Variants in IL1RAPL2 observed in about 807,000 individuals in gnomAD.
IL1RAPL2 encodes interleukin 1 receptor accessory protein like 2.
Under a neutral mutation model 44.1 loss-of-function variants are expected in IL1RAPL2, and 3 were observed. The ratio of observed to expected loss-of-function variants is 0.07; its 90% CI spans 0.03 to 0.18. The LOEUF (loss-of-function observed/expected upper bound fraction) is 0.18. Ranked by LOEUF, IL1RAPL2 falls within the 10% of genes least tolerant of loss-of-function variation. IL1RAPL2 has a pLI of 1.00. For missense variants in IL1RAPL2, 391 were observed against 496.4 expected, an observed-to-expected ratio of 0.79 and a Z score of 2.02; for synonymous variants, 181 against 178.8, an observed-to-expected ratio of 1.01 and a Z score of -0.10.
intron 2 of IL1RAPL2, among the ~76,000 whole-genome samples, chrX:105,083,704 T>C (rs1430806453): frequency 8.9e-6 from 1 of 112,054 alleles, no homozygotes; most frequent in Non-Finnish European, 1.9e-5. Flanking sequence ...CAGAATTTCA[T>C]ATCCAGCCAA....
intron 3 of IL1RAPL2, among the ~76,000 whole-genome samples, chrX:105,203,401 C>T (rs1266913689): frequency 4.5e-5 from 5 of 112,348 alleles, no homozygotes; most frequent in African/African-American, 1.6e-4. Context: ...GAAAAAGCTA[C>T]TTTAAAGAAT....
intron 2 of IL1RAPL2, among the ~76,000 whole-genome samples, chrX:104,998,176 A>G (rs1357749360): frequency 8.9e-6 from 1 of 111,840 alleles, no homozygotes; most frequent in African/African-American, 3.2e-5. Context: ...AAAGAACACA[A>G]GTATAGAAAG....
intron 2 of IL1RAPL2, among the ~76,000 whole-genome samples, chrX:105,191,426 G>A (rs1327197548): frequency 9.0e-6 from 1 of 111,728 alleles, no homozygotes; most frequent in Non-Finnish European, 1.9e-5. Flanking sequence ...TATTGGCCAG[G>A]CTGGTCTTGA....
chrX:104,662,352 G>A (rs982119383), intron 2 of IL1RAPL2, among the ~76,000 whole-genome samples: 1 of 111,951 alleles, frequency 8.9e-6, no homozygotes, highest in Non-Finnish European at 1.9e-5. Context: ...AAAATGCACA[G>A]CATTTAATTT....
chrX:105,332,914 C>G (rs1262197257), intron 5 of IL1RAPL2, among the ~76,000 whole-genome samples: 1 of 111,372 alleles, frequency 9.0e-6, no homozygotes, highest in Non-Finnish European at 1.9e-5. Flanking sequence ...TTAGAAGAAT[C>G]AATATTGTTA....
intron 2 of IL1RAPL2, among the ~76,000 whole-genome samples, chrX:104,672,070 GGGCTGGGA>G (rs1930616158): frequency 9.0e-6 from 1 of 111,442 alleles, no homozygotes. Flanking sequence ...AGAGCATGGT[GGGCTGGGA>G]AAGGGCAGGC....
chrX:104,612,626 C>T (rs191342488), intron 1 of IL1RAPL2, among the ~76,000 whole-genome samples: 1 of 111,405 alleles, frequency 9.0e-6, no homozygotes, highest in Admixed American at 9.6e-5. Context: ...CTCCAGCTTT[C>T]TTTTTGTTTA....
At chrX:104,624,022 C>T (rs1282762032) in intron 1 of IL1RAPL2, among the ~76,000 whole-genome samples, 2 of 112,016 alleles carry the variant, frequency 1.8e-5, no homozygotes, top group Non-Finnish European at 1.9e-5. Context: ...CTGGCAGGCA[C>T]TGATGTATTT....
At chrX:105,186,593 G>A (rs1556134045) in intron 2 of IL1RAPL2, among the ~76,000 whole-genome samples, 1 of 111,755 alleles carries the variant, frequency 8.9e-6, no homozygotes, top group African/African-American at 3.3e-5. Context: ...TGATTTGAAA[G>A]GGTGTGGGTG....
At chrX:105,360,419 C>T (rs1432454106) in intron 5 of IL1RAPL2, among the ~76,000 whole-genome samples, 1 of 111,496 alleles carries the variant, frequency 9.0e-6, no homozygotes, top group African/African-American at 3.3e-5. Flanking sequence ...AGGCAAAGTC[C>T]TGTCCTCATA....
At chrX:105,742,736 A>G (rs2038511162) in intron 8 of IL1RAPL2, among the ~76,000 whole-genome samples, 1 of 111,275 alleles carries the variant, frequency 9.0e-6, no homozygotes, top group Admixed American at 9.6e-5. Context: ...CTTATATGCT[A>G]ACTACTCCCA....
chrX:105,144,094 GGTGTGTGTGTGTGTGTGTGTGTGTGT>G (rs762069943), intron 2 of IL1RAPL2, among the ~76,000 whole-genome samples: 1 of 79,575 alleles, frequency 1.3e-5, no homozygotes, highest in Admixed American at 1.5e-4. Context: ...TCAACAGATG[GGTGTGTGTGTGTGTGTGTGTGTGTGT>G]GTGTGTGTGT....
chrX:105,616,621 T>A (rs1047172902), intron 6 of IL1RAPL2, among the ~76,000 whole-genome samples: 1 of 111,334 alleles, frequency 9.0e-6, no homozygotes, highest in African/African-American at 3.3e-5. Flanking sequence ...CCCATTTTTA[T>A]TGGGTGATTT....
chrX:104,836,967 A>G (rs1367454107), intron 2 of IL1RAPL2, among the ~76,000 whole-genome samples: 1 of 110,971 alleles, frequency 9.0e-6, no homozygotes, highest in Admixed American at 9.7e-5. Context: ...TTCATCTGCC[A>G]CTTATGAGTG....
At chrX:105,576,729 A>G (rs1324836419) in intron 6 of IL1RAPL2, among the ~76,000 whole-genome samples, 1 of 112,108 alleles carries the variant, frequency 8.9e-6, no homozygotes, top group African/African-American at 3.2e-5. Flanking sequence ...CTGCAGAAGT[A>G]GCAGATCATG....
intron 6 of IL1RAPL2, among the ~76,000 whole-genome samples, chrX:105,525,219 A>G (rs1360726098): frequency 1.8e-5 from 2 of 111,549 alleles, no homozygotes; most frequent in Non-Finnish European, 3.8e-5. Flanking sequence ...AACCAAACAA[A>G]TGATACAATA....
intron 1 of IL1RAPL2, among the ~76,000 whole-genome samples, chrX:104,611,275 G>T (rs917658033): frequency 1.8e-5 from 2 of 111,287 alleles, no homozygotes; most frequent in African/African-American, 6.5e-5. Context: ...CTTCCCCCAG[G>T]TGCTCTGTCC....
chrX:104,644,904 A>G (rs900690768), intron 1 of IL1RAPL2, among the ~76,000 whole-genome samples: 1 of 111,310 alleles, frequency 9.0e-6, no homozygotes, highest in Non-Finnish European at 1.9e-5. Context: ...ACCCCGCTAC[A>G]CCACTGATCT....
chrX:105,430,601 T>C (rs1250215611), intron 5 of IL1RAPL2, among the ~76,000 whole-genome samples: 1 of 111,457 alleles, frequency 9.0e-6, no homozygotes, highest in African/African-American at 3.3e-5. Context: ...CTGTGACTAG[T>C]TTATCATGTT....
Sources: gnomAD v4.1 joint callset for allele counts (sites outside exome capture counted in the v4.1 genomes callset) on GRCh38, gnomAD v4.1.1 for gene constraint, MANE v1.5 for transcripts, NCBI Gene and HGNC (gene_info 2026-07-23, HGNC 2026-07-21) for gene names.